GALNT14: variants seen among roughly 807,000 people sequenced by gnomAD.
GALNT14 encodes polypeptide N-acetylgalactosaminyltransferase 14.
A neutral mutation model predicts 77.5 loss-of-function variants in GALNT14; 60 were observed. The observed-to-expected ratio is 0.77, with a 90% CI of 0.63 to 0.96. The LOEUF (loss-of-function observed/expected upper bound fraction) is 0.96, where lower values mean the gene tolerates loss of function less well. Ranked by LOEUF, GALNT14 falls within the 40% of genes least tolerant of loss-of-function variation. The pLI, the probability that GALNT14 is intolerant of heterozygous loss-of-function variation, is 0.00. For missense variants in GALNT14, 710 were observed against 731.0 expected (o/e 0.97, Z 0.33); for synonymous variants, 280 against 281.7 (o/e 0.99, Z 0.06).
downstream of GALNT14, among the ~76,000 whole-genome samples, chr2:30,910,089 G>T (rs1244209523): frequency 2.7e-5 from 4 of 149,902 alleles, no homozygotes; most frequent in East Asian, 2.0e-4. Context: ...AGGGATAGCA[G>T]TGGGAGATAT....
intron 1 of GALNT14, among the ~76,000 whole-genome samples, chr2:31,038,714 C>T (rs1672916469): frequency 6.6e-6 from 1 of 151,450 alleles, no homozygotes; most frequent in Non-Finnish European, 1.5e-5. Context: ...GTTAAAATCC[C>T]ACGAAGCTCT....
intron 8 of GALNT14, among the ~76,000 whole-genome samples, chr2:30,944,094 C>T (rs765460146): frequency 6.6e-6 from 1 of 152,230 alleles, no homozygotes; most frequent in Non-Finnish European, 1.5e-5. Flanking sequence ...CCTCCTGCTG[C>T]CCTGCCTGAG....
chr2:31,088,943 C>T (rs1203769886), intron 1 of GALNT14, among the ~76,000 whole-genome samples: 1 of 152,084 alleles, frequency 6.6e-6, no homozygotes, highest in Non-Finnish European at 1.5e-5. Context: ...ACAGCAGATG[C>T]AGATACAAGA....
intron 1 of GALNT14, among the ~76,000 whole-genome samples, chr2:31,012,160 G>A (rs1328515388): frequency 6.6e-6 from 1 of 152,174 alleles, no homozygotes; most frequent in East Asian, 1.9e-4. Flanking sequence ...TTTTCACACT[G>A]CTGCTGGAAT....
At chr2:30,989,472 GC>G (rs1225071735) in intron 2 of GALNT14, among the ~76,000 whole-genome samples, 1 of 148,288 alleles carries the variant, frequency 6.7e-6, no homozygotes, top group Non-Finnish European at 1.5e-5. Context: ...TCCATTCCTG[GC>G]CCTTCAGTAT....
intron 9 of GALNT14, among the ~76,000 whole-genome samples, chr2:30,935,706 C>T (rs1666014966): frequency 1.3e-5 from 2 of 152,184 alleles, no homozygotes; most frequent in Admixed American, 6.5e-5. Flanking sequence ...TTATCTACAT[C>T]ACCAGCTTCA....
At chr2:31,045,329 C>T (rs1673371610) in intron 1 of GALNT14, among the ~76,000 whole-genome samples, 1 of 152,168 alleles carries the variant, frequency 6.6e-6, no homozygotes, top group East Asian at 1.9e-4. Flanking sequence ...TCTCTAACAT[C>T]CACACACTGA....
intron 4 of GALNT14, among the ~76,000 whole-genome samples, chr2:30,958,107 C>T (rs191459291): frequency 9.9e-5 from 15 of 152,232 alleles, no homozygotes; most frequent in Admixed American, 5.2e-4. Flanking sequence ...GGATGTCCCA[C>T]GGGGTTGGGG....
chr2:31,133,511 C>A (rs1381516046), intron 1 of GALNT14, among the ~76,000 whole-genome samples: 1 of 152,242 alleles, frequency 6.6e-6, no homozygotes, highest in African/African-American at 2.4e-5. Context: ...AATACACTTA[C>A]ATGGGCCAGA....
At chr2:31,001,252 T>C (rs192756604) in intron 1 of GALNT14, among the ~76,000 whole-genome samples, 36 of 152,126 alleles carry the variant, frequency 2.4e-4, no homozygotes, top group Non-Finnish European at 4.1e-4. Flanking sequence ...TGCTAAACCA[T>C]AACTAGATTC....
chr2:30,991,494 G>C (rs1220725345), intron 2 of GALNT14: 1 of 152,126 alleles, frequency 6.6e-6, no homozygotes, highest in East Asian at 1.9e-4. Context: ...GACACTTTCA[G>C]GCCAGTAGAA....
intron 11 of GALNT14, among the ~76,000 whole-genome samples, chr2:30,925,415 G>A (rs1572976356): frequency 6.6e-6 from 1 of 152,350 alleles, no homozygotes; most frequent in African/African-American, 2.4e-5. Context: ...AGGATGAGCA[G>A]GAGGGACCTA....
At chr2:31,130,266 G>A (rs987347236) in intron 1 of GALNT14, among the ~76,000 whole-genome samples, 10 of 152,368 alleles carry the variant, frequency 6.6e-5, no homozygotes, top group Admixed American at 5.9e-4. Context: ...AAAGGCCAGA[G>A]TGGCAACCTC....
chr2:31,133,989 T>C (rs1679105235), intron 1 of GALNT14, among the ~76,000 whole-genome samples: 1 of 152,026 alleles, frequency 6.6e-6, no homozygotes, highest in Non-Finnish European at 1.5e-5. Flanking sequence ...AAGCCAGGAG[T>C]GTAGCATGCC....
At position 30,911,018 on chromosome 2, in the gene GALNT14, G is replaced by A; in HGVS notation, c.1542C>T (p.Ser514=). 2 of 1,613,998 alleles carry A rather than the reference G, an allele frequency of 1.2e-6. No individual in the cohort carries two copies. The highest frequency in any genetic ancestry group is 2.2e-5 in the South Asian group (2 of 91,038). Residue 514 remains serine, a synonymous_variant, in exon 15 of 15, where the codon TCC becomes TCT. Coordinates refer to ENST00000349752, the MANE Select transcript of GALNT14 (RefSeq NM_024572.4). The part of the protein sequence containing the change: ...KTGSHIEHIA[S]HLCLDTDMFG... ...ACATATCTGTATCGAGGCAGAGGTG[G>A]GATGCTATGTGCTCGATGTGGGAAC...
chr2:31,137,722 G>A (rs959366613), intron 1 of GALNT14, among the ~76,000 whole-genome samples: 4 of 152,162 alleles, frequency 2.6e-5, no homozygotes, highest in Non-Finnish European at 4.4e-5. Flanking sequence ...CTCCGCAGGC[G>A]AGCGCGCGCC....
In GALNT14 at chr2:30,970,707, A is replaced by G. The variant is rs572385719; in HGVS notation, c.300-4405T>C. Among the ~76,000 whole-genome samples, 244 of 152,196 alleles carry G rather than the reference A, an allele frequency of 1.6e-3. 1 individual carries two copies. The highest frequency in any genetic ancestry group is 5.6e-3 in the African/African-American group (233 of 41,550). ...AGACCCCCAGCCTCTGTCCCTGCAG[A>G]GTAAAGAACAGGGCTGTACCCTATG... On this transcript the variant is annotated intron_variant, in intron 2 of 14. Coordinates refer to ENST00000349752, the MANE Select transcript of GALNT14 (RefSeq NM_024572.4).
intron 1 of GALNT14, among the ~76,000 whole-genome samples, chr2:31,075,484 G>C (rs564305903): frequency 2.0e-5 from 3 of 152,284 alleles, no homozygotes; most frequent in East Asian, 1.9e-4. Context: ...CTGCGTCCTG[G>C]AGATCGGCTT....
Position 31,042,867 on chromosome 2 carries a change from C to T in GALNT14, c.130-49860G>A, listed in dbSNP as rs375691278. ...GCTCTCCCAAAGTCTATTTGCAATACAACAGTTAGAATGGTCCTTTCTAAA... is the reference window on the plus strand; with the variant it reads ...GCTCTCCCAAAGTCTATTTGCAATATAACAGTTAGAATGGTCCTTTCTAAA... On this transcript the variant is annotated intron_variant, in intron 1 of 14. Transcript: ENST00000349752. 1.1e-4 allele frequency among the ~76,000 whole-genome samples: 16 copies of T among 152,208 alleles called. No individual in the cohort carries two copies. In the East Asian group the frequency reaches 1.3e-3, roughly 13 times the overall value.
Sources: allele counts gnomAD v4.1 joint callset (sites outside exome capture counted in the v4.1 genomes callset), GRCh38; gene constraint gnomAD v4.1.1; transcripts MANE v1.5; gene names NCBI Gene and HGNC (gene_info 2026-07-23, HGNC 2026-07-21).